Variants in PIK3R3 observed in about 807,000 individuals in gnomAD.
PIK3R3 encodes the protein phosphoinositide-3-kinase regulatory subunit 3.
Under a neutral mutation model 62.9 loss-of-function variants are expected in PIK3R3, and 64 were observed. The ratio of observed to expected loss-of-function variants is 1.02; its 90% CI spans 0.83 to 1.25. The LOEUF (loss-of-function observed/expected upper bound fraction) is 1.25, where lower values mean the gene tolerates loss of function less well. PIK3R3 is among the 50% of genes most tolerant of loss of function. PIK3R3 has a pLI of 0.00. For missense variants in PIK3R3, 614 were observed against 561.6 expected (o/e 1.09, Z -0.94); for synonymous variants, 165 against 189.0 (o/e 0.87, Z 1.04).
upstream of PIK3R3, among the ~76,000 whole-genome samples, chr1:46,134,277 C>T (rs1165826433): frequency 6.6e-6 from 1 of 152,196 alleles, no homozygotes; most frequent in Admixed American, 6.5e-5. Flanking sequence ...TCACCCTCTA[C>T]CTCCTAAGGT....
At chr1:46,141,367 G>C in the PIK3R3 span, among the ~76,000 whole-genome samples, 5 of 151,962 alleles carry the variant, frequency 3.3e-5, no homozygotes, top group African/African-American at 9.7e-5. Context: ...CGCCTCCCGG[G>C]TTCAAGCAAT....
the PIK3R3 span, among the ~76,000 whole-genome samples, chr1:46,139,290 G>A: frequency 6.6e-6 from 1 of 151,464 alleles, no homozygotes; most frequent in Non-Finnish European, 1.5e-5. Context: ...CACTTTTGCT[G>A]ACCCACGTGC....
the PIK3R3 span, among the ~76,000 whole-genome samples, chr1:46,168,667 G>T: frequency 6.6e-6 from 1 of 152,204 alleles, no homozygotes; most frequent in African/African-American, 2.4e-5. Flanking sequence ...TGAGGCAATT[G>T]TGCAAGATTG....
intron 7 of PIK3R3, among the ~76,000 whole-genome samples, chr1:46,050,872 T>A (rs574575114): frequency 1.4e-3 from 208 of 152,224 alleles, no homozygotes; most frequent in Admixed American, 2.5e-3. Context: ...TATTTGGCCA[T>A]AAAAAGGAAT....
chr1:46,151,988 G>A, the PIK3R3 span, among the ~76,000 whole-genome samples: 1 of 152,190 alleles, frequency 6.6e-6, no homozygotes, highest in African/African-American at 2.4e-5. Context: ...AAACCCCAAA[G>A]TCTTATCCTG....
At chr1:46,058,335 G>A (rs951335829) in intron 6 of PIK3R3, among the ~76,000 whole-genome samples, 8 of 152,222 alleles carry the variant, frequency 5.3e-5, no homozygotes, top group Admixed American at 1.3e-4. Context: ...ATGCGGGGTC[G>A]AAGCCGCCAC....
intron 1 of PIK3R3, among the ~76,000 whole-genome samples, chr1:46,117,826 T>C (rs1654318997): frequency 6.6e-6 from 1 of 152,100 alleles, no homozygotes; most frequent in East Asian, 1.9e-4. Flanking sequence ...CCCCAGCACT[T>C]GGGAGGCCAG....
intron 1 of PIK3R3, among the ~76,000 whole-genome samples, chr1:46,118,581 A>T (rs1161121732): frequency 1.5e-4 from 19 of 126,066 alleles, no homozygotes; most frequent in African/African-American, 5.6e-4. Flanking sequence ...TTTGAGATGG[A>T]GTCTCCCTCT....
At chr1:46,055,390 G>C (rs909452392) in intron 7 of PIK3R3, among the ~76,000 whole-genome samples, 1 of 152,176 alleles carries the variant, frequency 6.6e-6, no homozygotes, top group Non-Finnish European at 1.5e-5. Context: ...GGTTACAGGC[G>C]TAAGCCACAG....
At chr1:46,125,232 C>T (rs1654994550) in intron 1 of PIK3R3, among the ~76,000 whole-genome samples, 1 of 152,048 alleles carries the variant, frequency 6.6e-6, no homozygotes, top group Admixed American at 6.6e-5. Context: ...ATACACTATA[C>T]ATTATAATAT....
intron 1 of PIK3R3, among the ~76,000 whole-genome samples, chr1:46,110,995 A>G (rs1653695635): frequency 6.6e-6 from 1 of 152,162 alleles, no homozygotes; most frequent in Non-Finnish European, 1.5e-5. Context: ...TCTTAGAGCC[A>G]AACATACTAG....
chr1:46,169,913 G>A, the PIK3R3 span, among the ~76,000 whole-genome samples: 1 of 152,072 alleles, frequency 6.6e-6, no homozygotes, highest in African/African-American at 2.4e-5. Flanking sequence ...TACAAATTTT[G>A]CCTCAAGATT....
chr1:46,062,223 A>G, intron 5 of PIK3R3, 152 bp from the exon 6 acceptor site: 1 of 634,626 alleles, frequency 1.6e-6, no homozygotes, highest in Non-Finnish European at 2.7e-6. Flanking sequence ...TAGGAGGACT[A>G]AAACAAGAGC....
the PIK3R3 span, among the ~76,000 whole-genome samples, chr1:46,164,399 G>C: frequency 6.6e-6 from 1 of 151,928 alleles, no homozygotes; most frequent in East Asian, 1.9e-4. Context: ...TTCATACCAC[G>C]ATCCCTCTCC....
intron 2 of PIK3R3, among the ~76,000 whole-genome samples, chr1:46,080,112 A>C (rs544554307): frequency 3.4e-5 from 5 of 147,872 alleles, no homozygotes; most frequent in Middle Eastern, 3.6e-3. Context: ...CCCAGGCTGG[A>C]GTGCAGTGGC....
At chr1:46,082,289 T>C (rs1571440453) in intron 1 of PIK3R3, among the ~76,000 whole-genome samples, 1 of 152,234 alleles carries the variant, frequency 6.6e-6, no homozygotes, top group Admixed American at 6.5e-5. Context: ...CAAACCATGA[T>C]TGAGGGGTAT....
intron 1 of PIK3R3, among the ~76,000 whole-genome samples, chr1:46,127,518 A>T (rs1655203398): frequency 6.6e-6 from 1 of 152,204 alleles, no homozygotes; most frequent in Non-Finnish European, 1.5e-5. Context: ...GTGCTGAGCT[A>T]ACAGACCACT....
At chr1:46,132,647 G>C (rs567453595), upstream of PIK3R3, 179 of 1,289,744 alleles carry the variant, frequency 1.4e-4, 4 homozygotes, top group South Asian at 2.1e-3. Context: ...AGCCACTAGA[G>C]TTTCATTTTA....
intron 1 of PIK3R3, among the ~76,000 whole-genome samples, chr1:46,130,177 T>C (rs1206126219): frequency 6.6e-6 from 1 of 152,224 alleles, no homozygotes; most frequent in Non-Finnish European, 1.5e-5. Context: ...TTTGTATGTC[T>C]GCAAGGCAAG....
Sources: allele counts gnomAD v4.1 joint callset (sites outside exome capture counted in the v4.1 genomes callset), GRCh38; gene constraint gnomAD v4.1.1; transcripts MANE v1.5; gene names NCBI Gene and HGNC (gene_info 2026-07-23, HGNC 2026-07-21).